PCDH15: variants seen among roughly 807,000 people sequenced by gnomAD.
The protein encoded by PCDH15 is protocadherin-15.
Under a neutral mutation model 178.5 loss-of-function variants are expected in PCDH15, and 129 were observed. The ratio of observed to expected loss-of-function variants is 0.72; its 90% CI spans 0.63 to 0.84. The LOEUF (loss-of-function observed/expected upper bound fraction) is 0.84. PCDH15 is among the 40% of genes least tolerant of loss of function. The probability of loss-of-function intolerance (pLI) is 0.00; values close to 1 mark genes in which losing one functional copy is unlikely to be tolerated. For missense variants in PCDH15, 2,230 were observed against 2,099.9 expected, an observed-to-expected ratio of 1.06 and a Z score of -1.21; for synonymous variants, 800 against 732.0, an observed-to-expected ratio of 1.09 and a Z score of -1.50.
At chr10:55,428,428 A>G (rs1242027763) in intron 2 of PCDH15, among the ~76,000 whole-genome samples, 2 of 151,872 alleles carry the variant, frequency 1.3e-5, no homozygotes, top group Non-Finnish European at 2.9e-5. Flanking sequence ...TTGTAACAGA[A>G]TTGGTTCTGA....
intron 11 of PCDH15, among the ~76,000 whole-genome samples, chr10:54,186,821 T>C (rs190696868): frequency 4.7e-4 from 71 of 152,050 alleles, no homozygotes; most frequent in African/African-American, 1.3e-3. Context: ...AAATCTAACA[T>C]GTTAGTTTTA....
chr10:55,208,836 A>G (rs1422834213), intron 1 of PCDH15, among the ~76,000 whole-genome samples: 2 of 152,094 alleles, frequency 1.3e-5, no homozygotes, highest in Non-Finnish European at 2.9e-5. Context: ...ACAAGTTACT[A>G]TATACCATGC....
chr10:54,595,605 C>G (rs1937397), intron 2 of PCDH15, among the ~76,000 whole-genome samples: 21,445 of 152,006 alleles, frequency 0.14, 1,796 homozygotes, highest in Non-Finnish European at 0.18. Flanking sequence ...GCAGAGGTAG[C>G]TGAAATGACA....
At chr10:55,115,291 G>C (rs915574461) in intron 2 of PCDH15, among the ~76,000 whole-genome samples, 1 of 152,168 alleles carries the variant, frequency 6.6e-6, no homozygotes, top group African/African-American at 2.4e-5. Flanking sequence ...TAATGCAAGA[G>C]ACCTTAGAAG....
rs149833593 is a variant in PCDH15 at position 55,226,163 on chromosome 10, G to A, written c.-155-59512C>T. On this transcript the variant is annotated intron_variant, in intron 1 of 5. Transcript: ENST00000458638. ...TCTAATCAGCTTTTTATTATCACAC[G>A]CTAAAATATGAACTGGCAGCCAATA... 6.7e-4 allele frequency among the ~76,000 whole-genome samples: 102 copies of A among 152,070 alleles called. 1 individual carries two copies. The highest frequency in any genetic ancestry group is 2.2e-3 in the African/African-American group (93 of 41,452).
At chr10:54,146,934 A>AT (rs1564530417) in intron 14 of PCDH15, among the ~76,000 whole-genome samples, 64 of 83,604 alleles carry the variant, frequency 7.7e-4, no homozygotes, top group Middle Eastern at 5.2e-3. Context: ...ATATATATAT[A>AT]ATGTATATAT....
intron 2 of PCDH15, among the ~76,000 whole-genome samples, chr10:54,931,036 T>C (rs941487099): frequency 6.6e-6 from 1 of 152,178 alleles, no homozygotes; most frequent in Non-Finnish European, 1.5e-5. Flanking sequence ...CTACATTCCA[T>C]TTTTCCTGGA....
intron 32 of PCDH15, chr10:53,822,789 A>C: frequency 6.2e-7 from 1 of 1,614,100 alleles, no homozygotes; most frequent in Non-Finnish European, 8.5e-7. Context: ...TCCTTCTATC[A>C]TCAGTGTTTC....
chr10:54,894,036 A>G (rs999619180), intron 3 of PCDH15, among the ~76,000 whole-genome samples: 1 of 152,108 alleles, frequency 6.6e-6, no homozygotes, highest in African/African-American at 2.4e-5. Flanking sequence ...TACATTATCA[A>G]TTAATTTCTT....
intron 3 of PCDH15, among the ~76,000 whole-genome samples, chr10:54,503,958 A>G: frequency 6.6e-6 from 1 of 152,114 alleles, no homozygotes; most frequent in East Asian, 1.9e-4. Flanking sequence ...TTTTCCTCTT[A>G]AATGTGAACT....
chr10:53,885,907 T>C (rs987949652), intron 26 of PCDH15, among the ~76,000 whole-genome samples: 2 of 152,180 alleles, frequency 1.3e-5, no homozygotes, highest in Non-Finnish European at 2.9e-5. Context: ...ATTCTACTAT[T>C]AAGAAGACAA....
At chr10:53,940,812 C>A (rs569127066) in intron 24 of PCDH15, 54 bp downstream of exon 24, 2 of 1,305,974 alleles carry the variant, frequency 1.5e-6, no homozygotes, top group African/African-American at 1.5e-5. Context: ...TGAAATTAGG[C>A]CAAATCTAAG....
chr10:53,843,009 G>T (rs1056329885), intron 28 of PCDH15, among the ~76,000 whole-genome samples: 1 of 152,052 alleles, frequency 6.6e-6, no homozygotes, highest in African/African-American at 2.4e-5. Context: ...TCTATTTTCA[G>T]TGCAATACTG....
chr10:54,968,500 G>A (rs1449988559), intron 2 of PCDH15, among the ~76,000 whole-genome samples: 1 of 150,252 alleles, frequency 6.7e-6, no homozygotes, highest in East Asian at 2.0e-4. Context: ...ACCTTGTATT[G>A]TTCCAGATGA....
intron 3 of PCDH15, among the ~76,000 whole-genome samples, chr10:54,433,326 T>C (rs1490867846): frequency 1.3e-5 from 2 of 152,112 alleles, no homozygotes; most frequent in Non-Finnish European, 2.9e-5. Flanking sequence ...TGTCCATCAA[T>C]AGGTAACTAC....
At chr10:55,541,994 A>G (rs572889446) in intron 2 of PCDH15, among the ~76,000 whole-genome samples, 16 of 151,822 alleles carry the variant, frequency 1.1e-4, no homozygotes, top group Admixed American at 7.9e-4. Flanking sequence ...CAATATATAA[A>G]CCTGAGAGGG....
At chr10:54,048,408 C>T (rs1303928156) in intron 18 of PCDH15, among the ~76,000 whole-genome samples, 2 of 152,020 alleles carry the variant, frequency 1.3e-5, no homozygotes, top group African/African-American at 2.4e-5. Context: ...AGTTTAATTA[C>T]GTCCCACTTA....
chr10:55,199,067 G>T (rs1840171667), intron 1 of PCDH15, among the ~76,000 whole-genome samples: 1 of 152,124 alleles, frequency 6.6e-6, no homozygotes, highest in African/African-American at 2.4e-5. Flanking sequence ...GCCTGAAAAG[G>T]TGGAAGCAAC....
At chr10:54,668,342 T>C (rs1237148851) in intron 1 of PCDH15, among the ~76,000 whole-genome samples, 1 of 152,184 alleles carries the variant, frequency 6.6e-6, no homozygotes, top group Non-Finnish European at 1.5e-5. Flanking sequence ...TTCAAAACTG[T>C]ATATTGTCAC....
Sources: allele counts gnomAD v4.1 joint callset (sites outside exome capture counted in the v4.1 genomes callset), GRCh38; gene constraint gnomAD v4.1.1; transcripts MANE v1.5; gene names NCBI Gene and HGNC (gene_info 2026-07-23, HGNC 2026-07-21).